The following GINS2 variants were observed in gnomAD, a reference collection of about 807,000 sequenced individuals.
The protein encoded by GINS2 is GINS complex subunit 2.
In GINS2, 23 loss-of-function variants were observed where a neutral mutation model predicts 21.2. The ratio of observed to expected loss-of-function variants is 1.08; its 90% confidence interval spans 0.78 to 1.53. GINS2 has a LOEUF of 1.53. Among genes scored for constraint, GINS2 ranks in the 40% most tolerant of loss-of-function variants. GINS2 has a pLI of 0.00. For missense variants in GINS2, 323 were observed against 233.9 expected (o/e 1.38, Z -2.49); for synonymous variants, 118 against 85.6 (o/e 1.38, Z -2.09).
At chr16:85,688,389 T>C (rs547259069) in intron 1 of GINS2, among the ~76,000 whole-genome samples, 44 of 150,438 alleles carry the variant, frequency 2.9e-4, no homozygotes, top group Admixed American at 1.7e-3. Flanking sequence ...CTACCAAAAA[T>C]ACAAAAATGC....
chr16:85,681,074 T>A (rs1227709600), intron 3 of GINS2, among the ~76,000 whole-genome samples: 1 of 152,202 alleles, frequency 6.6e-6, no homozygotes, highest in Non-Finnish European at 1.5e-5. Flanking sequence ...ACAGCATGAT[T>A]TTGCCAGGAA....
intron 2 of GINS2, among the ~76,000 whole-genome samples, chr16:85,681,910 C>A (rs1251827292): frequency 6.6e-6 from 1 of 151,654 alleles, no homozygotes; most frequent in Non-Finnish European, 1.5e-5. Flanking sequence ...CTTTAGCCTG[C>A]AGAAGATATT....
Position 85,687,587 on chromosome 16 carries a change from A to G in GINS2, c.91-13T>C. ...GCCCCAGGTCCCCCTGCCAAAAGTAAAACAATTCCCCGTAAGATTGAAAAA... is the reference window on the plus strand; with the variant it reads ...GCCCCAGGTCCCCCTGCCAAAAGTAGAACAATTCCCCGTAAGATTGAAAAA... On this transcript the variant is annotated splice_polypyrimidine_tract_variant and intron_variant, in intron 1 of 4. Transcript: ENST00000253462. 4.2e-6 allele frequency: 6 copies of G among 1,444,942 alleles called. No individual in the cohort carries two copies. The highest frequency in any genetic ancestry group is 5.6e-6 in the Non-Finnish European group (6 of 1,062,148). The allele number at this position is 1,444,942 out of a possible 1,614,324, so 89.5% of individuals were successfully genotyped here. A position where few individuals can be genotyped will look rare whatever the true frequency, so the allele number is the denominator to read the frequency against.
At chr16:85,684,521 G>C (rs1031520287) in intron 2 of GINS2, among the ~76,000 whole-genome samples, 1 of 151,914 alleles carries the variant, frequency 6.6e-6, no homozygotes, top group African/African-American at 2.4e-5. Flanking sequence ...TTTTGTTAAA[G>C]CCAAAAAGGG....
intron 2 of GINS2, among the ~76,000 whole-genome samples, chr16:85,687,151 G>A (rs780151344): frequency 6.6e-6 from 1 of 152,240 alleles, no homozygotes; most frequent in Admixed American, 6.5e-5. Flanking sequence ...AACCCAGGAG[G>A]TGAAGGCTGC....
intron 2 of GINS2, among the ~76,000 whole-genome samples, chr16:85,683,039 CGAG>C (rs2053747429): frequency 6.6e-6 from 1 of 152,058 alleles, no homozygotes; most frequent in African/African-American, 2.4e-5. Context: ...CCTACCCACT[CGAG>C]GACCAGCCTT....
chr16:85,681,524 G>C, intron 3 of GINS2, 58 bp downstream of exon 3: 1 of 1,001,712 alleles, frequency 1.0e-6, no homozygotes, highest in Non-Finnish European at 1.6e-6. Context: ...GAGGGTTAGG[G>C]GAAGGGCATG....
chr16:85,688,652 G>A (rs1405698641), intron 1 of GINS2, among the ~76,000 whole-genome samples, 157 bp downstream of exon 1: 1 of 152,240 alleles, frequency 6.6e-6, no homozygotes, highest in East Asian at 1.9e-4. Context: ...TTCCTCATCC[G>A]AGAAGCGGGA....
At position 85,685,924 on chromosome 16, in the gene GINS2, GA is replaced by G. The variant is rs1226894880; in HGVS notation, c.205+1535del. On this transcript the variant is annotated intron_variant, in intron 2 of 4. Coordinates refer to ENST00000253462, the MANE Select transcript of GINS2 (RefSeq NM_016095.3). ...GGCTGAGACCCCATCTCCATAAAAA[GA>G]AAAAAAAAAAATCACTCAGGGTCTT... 8.6e-3 allele frequency among the ~76,000 whole-genome samples: 1,166 copies of G among 135,818 alleles called. 5 individuals are homozygous for G. Among genetic ancestry groups the G allele is most frequent in the Non-Finnish European group, 0.012 (743 of 62,224 alleles). The allele number at this position is 135,818 out of a possible 152,430, so 89.1% of individuals were successfully genotyped here.
intron 2 of GINS2, among the ~76,000 whole-genome samples, chr16:85,685,685 A>AAAAAAAACAAAAAAAAAAAAAAAAC (rs56405044): frequency 1.7e-5 from 2 of 120,900 alleles, no homozygotes; most frequent in African/African-American, 2.6e-5. Flanking sequence ...AAAAAAAAAA[A>AAAAAAAACAAAAAAAAAAAAAAAAC]AAAAAACCGT....
intron 2 of GINS2, among the ~76,000 whole-genome samples, chr16:85,685,166 T>C (rs778008825): frequency 6.6e-6 from 1 of 152,182 alleles, no homozygotes; most frequent in East Asian, 1.9e-4. Context: ...GACAGGTTAA[T>C]GGTGCCTCAC....
chr16:85,676,466 C>T lies in GINS2; in HGVS notation c.*1746G>A, dbSNP rs959394625. Reference sequence around the variant, plus strand: ...GAACAGCACCTTAAATTATGGAGACCTCATCTTTTGGTCCCAGTCTTCCAG... The same window carrying T: ...GAACAGCACCTTAAATTATGGAGACTTCATCTTTTGGTCCCAGTCTTCCAG... On this transcript the variant is annotated 3_prime_UTR_variant, in exon 5 of 5. Coordinates refer to ENST00000253462, the MANE Select transcript of GINS2 (RefSeq NM_016095.3). 2.0e-5 allele frequency: 3 copies of T among 152,202 alleles called. No homozygotes were observed. Among genetic ancestry groups the T allele is most frequent in the East Asian group, 1.9e-4 (1 of 5,200 alleles). The allele number at this position is 152,202 out of a possible 1,614,324, so 9.4% of individuals were successfully genotyped here.
chr16:85,678,695 G>A (rs377512356), intron 3 of GINS2, 29 bp from the exon 4 acceptor site: 119 of 1,606,084 alleles, frequency 7.4e-5, no homozygotes, highest in Non-Finnish European at 9.4e-5. Flanking sequence ...AAGTCAGTCG[G>A]GGAACACTTG....
intron 2 of GINS2, among the ~76,000 whole-genome samples, chr16:85,685,698 C>CAAAAAAAAAAAAAAAAAAAAAAAAAAAAA (rs2053770995): frequency 1.0e-5 from 1 of 96,612 alleles, no homozygotes; most frequent in Non-Finnish European, 2.2e-5. Flanking sequence ...AAAACCGTCT[C>CAAAAAAAAAAAAAAAAAAAAAAAAAAAAA]AAAGCAGAGG....
chr16:85,687,568 G>C lies in GINS2; in HGVS notation c.97C>G (p.Leu33Val). 6.5e-7 allele frequency: 1 copy of C among 1,550,186 alleles called. No individual in the cohort carries two copies. Among genetic ancestry groups the C allele is most frequent in the Non-Finnish European group, 8.7e-7 (1 of 1,151,526 alleles). The change falls in exon 2 of 5, where the codon CTG (leucine) becomes GTG (valine). Residue 33 changes from leucine to valine, a missense_variant. Physicochemically the swap from Leu to Val is conservative, Grantham distance 32 (BLOSUM62 1). Coordinates refer to ENST00000253462, the MANE Select transcript of GINS2 (RefSeq NM_016095.3). Reference protein sequence around the residue: ...LDKIYLIGGDLGPFNPGLPVE... With the variant: ...LDKIYLIGGDVGPFNPGLPVE... ...GGTAAACCAGGGTTAAAAGGCCCCA[G>C]GTCCCCCTGCCAAAAGTAAAACAAT...
chr16:85,688,760 G>C, intron 1 of GINS2, 49 bp downstream of exon 1: 1 of 1,222,476 alleles, frequency 8.2e-7, no homozygotes, highest in African/African-American at 1.6e-5. Context: ...CGGGAGCCCC[G>C]GACGCGCCCA....
intron 2 of GINS2, among the ~76,000 whole-genome samples, chr16:85,683,902 G>A (rs1027267797): frequency 6.6e-6 from 1 of 152,186 alleles, no homozygotes; most frequent in Non-Finnish European, 1.5e-5. Flanking sequence ...TAAAGGCTCA[G>A]CTGCTTTGAA....
intron 3 of GINS2, among the ~76,000 whole-genome samples, chr16:85,681,189 G>T (rs1235673993): frequency 6.6e-6 from 1 of 152,250 alleles, no homozygotes; most frequent in Non-Finnish European, 1.5e-5. Flanking sequence ...GGAGAAACAG[G>T]AGTAAAGCTG....
chr16:85,684,820 C>G (rs1161543177), intron 2 of GINS2, among the ~76,000 whole-genome samples: 2 of 151,624 alleles, frequency 1.3e-5, no homozygotes, highest in African/African-American at 4.9e-5. Flanking sequence ...TGGAGTCTCG[C>G]TGTATCTCCC....
Sources: gnomAD v4.1 joint callset for allele counts (sites outside exome capture counted in the v4.1 genomes callset) on GRCh38, gnomAD v4.1.1 for gene constraint, MANE v1.5 for transcripts, NCBI Gene and HGNC (gene_info 2026-07-23, HGNC 2026-07-21) for gene names.